RELN: variants seen among roughly 807,000 people sequenced by gnomAD.
RELN encodes the protein reelin.
Under a neutral mutation model 427.6 loss-of-function variants are expected in RELN, and 108 were observed. That is an observed-to-expected ratio of 0.25 (90% CI 0.22 to 0.30). The LOEUF (loss-of-function observed/expected upper bound fraction) is 0.30. RELN is among the 10% of genes least tolerant of loss of function. RELN has a pLI of 1.00. For missense variants in RELN, 3,715 were observed against 4,302.8 expected, an observed-to-expected ratio of 0.86 and a Z score of 3.82; for synonymous variants, 1,524 against 1,513.4, an observed-to-expected ratio of 1.01 and a Z score of -0.16.
At chr7:103,974,305 G>A (rs1190581475) in intron 1 of RELN, among the ~76,000 whole-genome samples, 3 of 152,158 alleles carry the variant, frequency 2.0e-5, no homozygotes, top group African/African-American at 7.2e-5. Context: ...ATAGAGAAGT[G>A]AGATCCCTTG....
Position 103,630,859 on chromosome 7 carries a change from T to G in RELN, c.2466-683A>C, listed in dbSNP as rs1309258492. Among the ~76,000 whole-genome samples, 722 of 112,704 alleles carry G rather than the reference T, an allele frequency of 6.4e-3. 5 individuals carry two copies. The highest frequency in any genetic ancestry group is 0.012 in the Admixed American group (148 of 11,982). 73.9% of individuals were successfully genotyped at this position (112,704 alleles called of 152,430 possible). On this transcript the variant is annotated intron_variant, in intron 19 of 64. Transcript: ENST00000428762. ...GGCTGAGTTATTTTTTTGTTTTTTT[T>G]GTTTTTTTTTTTTTTGTTTTTTAAC...
At chr7:103,654,876 T>C (rs191631892) in intron 12 of RELN, among the ~76,000 whole-genome samples, 1 of 152,208 alleles carries the variant, frequency 6.6e-6, no homozygotes, top group East Asian at 1.9e-4. Context: ...GAGCAGGTAC[T>C]TGAAGCTAAG....
chr7:103,671,970 C>T (rs187428893), intron 11 of RELN, among the ~76,000 whole-genome samples: 4 of 152,134 alleles, frequency 2.6e-5, no homozygotes, highest in African/African-American at 9.6e-5. Context: ...ACATAAAATC[C>T]CTCTATAGCC....
At chr7:103,485,251 AAAGG>A (rs1172247522) in intron 61 of RELN, among the ~76,000 whole-genome samples, 5 of 141,964 alleles carry the variant, frequency 3.5e-5, no homozygotes, top group African/African-American at 8.5e-5. Context: ...AAAAAAAAAA[AAAGG>A]AAGATGATAG....
At position 103,545,302 on chromosome 7, in the gene RELN, G is replaced by C; in HGVS notation, c.6345C>G (p.Gly2115=). The C allele has an allele frequency of 6.2e-7, 1 of 1,614,096 alleles. No individual in the cohort carries two copies. Among genetic ancestry groups the C allele is most frequent in the Non-Finnish European group, 8.5e-7 (1 of 1,179,970 alleles). Residue 2115 remains glycine, a synonymous_variant, in exon 42 of 65, where the codon GGC becomes GGG. Transcript: ENST00000428762. ...CAATGGCCCATGTCACTGGCTGAGA[G>C]CCGGCAGGGTAAAATCCCTGGTACC... ...FRWYQGFYPA[G]SQPVTWAIDN...
At position 103,611,597 on chromosome 7, in the gene RELN, G is replaced by A. The variant is rs747389817; in HGVS notation, c.2895+14C>T. The A allele has an allele frequency of 5.0e-6, 8 of 1,610,592 alleles. No individual in the cohort carries two copies. Among genetic ancestry groups the A allele is most frequent in the Non-Finnish European group, 6.8e-6 (8 of 1,177,832 alleles). Reference sequence around the variant, plus strand: ...AAGGTTACCTGTTACAAGGTTTAAGGAAACTAGACTTACTTCTTGGACGAG... The same window carrying A: ...AAGGTTACCTGTTACAAGGTTTAAGAAAACTAGACTTACTTCTTGGACGAG... On this transcript the variant is annotated intron_variant, in intron 21 of 64. Coordinates refer to ENST00000428762, the MANE Select transcript of RELN (RefSeq NM_005045.4).
chr7:103,853,447 A>G (rs1053209594), intron 2 of RELN, among the ~76,000 whole-genome samples: 3 of 151,942 alleles, frequency 2.0e-5, no homozygotes, highest in Non-Finnish European at 4.4e-5. Flanking sequence ...GTATATTTCT[A>G]CCATATGGCT....
At chr7:103,973,907 C>A (rs1376498426) in intron 1 of RELN, among the ~76,000 whole-genome samples, 1 of 152,194 alleles carries the variant, frequency 6.6e-6, no homozygotes, top group East Asian at 1.9e-4. Flanking sequence ...CTTTGGGACG[C>A]CAAGGCGGGT....
chr7:103,652,135 G>A (rs1175159671), intron 14 of RELN, among the ~76,000 whole-genome samples: 1 of 151,944 alleles, frequency 6.6e-6, no homozygotes, highest in Non-Finnish European at 1.5e-5. Context: ...GAAAAAATAT[G>A]AGCAACACTT....
At chr7:103,767,725 A>T (rs1017130575) in intron 4 of RELN, among the ~76,000 whole-genome samples, 2 of 152,184 alleles carry the variant, frequency 1.3e-5, no homozygotes, top group Non-Finnish European at 2.9e-5. Flanking sequence ...ACTTCAAAAA[A>T]CACCACAATG....
At chr7:103,725,657 T>G (rs1245055408) in intron 7 of RELN, among the ~76,000 whole-genome samples, 2 of 152,170 alleles carry the variant, frequency 1.3e-5, no homozygotes, top group Non-Finnish European at 2.9e-5. Context: ...TGAGAGCATA[T>G]TTTCCTTTAA....
intron 1 of RELN, among the ~76,000 whole-genome samples, chr7:103,987,317 C>T (rs1364453805): frequency 6.6e-6 from 1 of 152,148 alleles, no homozygotes; most frequent in Non-Finnish European, 1.5e-5. Flanking sequence ...TTTATTTCTA[C>T]TCTATGTTAT....
At chr7:103,627,865 G>A (rs573965452) in intron 20 of RELN, 88 of 152,340 alleles carry the variant, frequency 5.8e-4, no homozygotes, top group African/African-American at 2.1e-3. Context: ...CTTGTGTGAA[G>A]GGATATTGTT....
intron 46 of RELN, 77 bp downstream of exon 46, chr7:103,535,239 C>A (rs1018555042): frequency 1.1e-5 from 15 of 1,404,562 alleles, no homozygotes; most frequent in African/African-American, 2.8e-5. Flanking sequence ...TCTCATTAAA[C>A]TTGACATGCC....
At chr7:103,928,120 C>A (rs1795786174) in intron 1 of RELN, among the ~76,000 whole-genome samples, 1 of 152,066 alleles carries the variant, frequency 6.6e-6, no homozygotes, top group South Asian at 2.1e-4. Flanking sequence ...AAACATATAT[C>A]TTGCTCACAA....
At chr7:103,560,948 C>T (rs1193435576) in intron 36 of RELN, among the ~76,000 whole-genome samples, 2 of 152,156 alleles carry the variant, frequency 1.3e-5, no homozygotes. Context: ...TCAATTTCCC[C>T]ATGCTGAGAG....
chr7:103,845,330 C>T (rs533995296), intron 2 of RELN, among the ~76,000 whole-genome samples: 51 of 152,198 alleles, frequency 3.4e-4, no homozygotes, highest in African/African-American at 1.1e-3. Flanking sequence ...TATAGGCATG[C>T]GTCACCACGC....
chr7:103,892,938 G>A (rs1223926618), intron 2 of RELN, among the ~76,000 whole-genome samples: 1 of 152,050 alleles, frequency 6.6e-6, no homozygotes, highest in African/African-American at 2.4e-5. Context: ...GGGGTCTTTA[G>A]TTCTGAGCTC....
chr7:103,787,300 GAACA>G (rs1792041786), intron 3 of RELN, among the ~76,000 whole-genome samples: 2 of 151,690 alleles, frequency 1.3e-5, no homozygotes, highest in Admixed American at 6.6e-5. Flanking sequence ...AGTAAAGCAA[GAACA>G]AACAAATTCA....
Sources: gnomAD v4.1 joint callset for allele counts (sites outside exome capture counted in the v4.1 genomes callset) on GRCh38, gnomAD v4.1.1 for gene constraint, MANE v1.5 for transcripts, NCBI Gene and HGNC (gene_info 2026-07-23, HGNC 2026-07-21) for gene names.